Variants in BPIFA2 observed in about 807,000 individuals in gnomAD.
The protein encoded by BPIFA2 is BPI fold-containing family A member 2.
Under a neutral mutation model 25.7 loss-of-function variants are expected in BPIFA2, and 20 were observed. The ratio of observed to expected loss-of-function variants is 0.78; its 90% confidence interval spans 0.55 to 1.13. The LOEUF (loss-of-function observed/expected upper bound fraction) is 1.13, where lower values mean the gene tolerates loss of function less well. Ranked by LOEUF, BPIFA2 falls within the 50% of genes most tolerant of loss-of-function variation. The pLI is 0.00. For synonymous variants in BPIFA2, 126 were observed against 124.3 expected (o/e 1.01, Z -0.09); for missense variants, 300 against 298.1 (o/e 1.01, Z -0.05).
intron 6 of BPIFA2, among the ~76,000 whole-genome samples, chr20:33,179,223 A>T (rs1361805921): frequency 1.3e-5 from 2 of 152,042 alleles, no homozygotes; most frequent in East Asian, 3.9e-4. Flanking sequence ...TGAGGTCAGG[A>T]GTTCAAGACC....
intron 8 of BPIFA2, among the ~76,000 whole-genome samples, chr20:33,180,937 A>G (rs1357683094): frequency 6.6e-6 from 1 of 152,192 alleles, no homozygotes; most frequent in Admixed American, 6.5e-5. Flanking sequence ...TGGGCCCTGA[A>G]CCTGGCTCCA....
chr20:33,163,428 G>A (rs1048471750), upstream of BPIFA2, among the ~76,000 whole-genome samples: 1 of 152,152 alleles, frequency 6.6e-6, no homozygotes, highest in Non-Finnish European at 1.5e-5. Context: ...CTTTTATGAA[G>A]GGATTTCTCT....
rs373151340 is a variant in BPIFA2, at chr20:33,178,192, G to T, written c.609G>T (p.Thr203=). The change falls in exon 6 of 9, where the codon ACG becomes ACT. Residue 203 remains threonine, a synonymous_variant. Transcript: ENST00000354932. ...INKFVNSVIN[T]LKSTVSSLLQ... ...AGTTCGTGAATAGCGTGATCAACAC[G>T]CTGAAAAGCACTGTATCCTCCCTGC... 38 of 1,606,632 alleles carry T rather than the reference G, an allele frequency of 2.4e-5. No individual in the cohort carries two copies. The highest frequency in any genetic ancestry group is 3.1e-5 in the Non-Finnish European group (36 of 1,174,820).
intron 6 of BPIFA2, 77 bp from the exon 7 acceptor site, chr20:33,179,527 T>C (rs1162245979): frequency 2.4e-6 from 3 of 1,265,342 alleles, no homozygotes; most frequent in Admixed American, 3.4e-5. Flanking sequence ...TGGCAAGCAA[T>C]TTGTTCTCAG....
intron 2 of BPIFA2, among the ~76,000 whole-genome samples, chr20:33,170,976 T>C (rs751006042): frequency 3.3e-5 from 5 of 152,232 alleles, no homozygotes; most frequent in Non-Finnish European, 7.3e-5. Context: ...CCAGCACCAT[T>C]TATTAAATAC....
At chr20:33,168,911 G>C (rs1274011835) in intron 1 of BPIFA2, among the ~76,000 whole-genome samples, 1 of 152,210 alleles carries the variant, frequency 6.6e-6, no homozygotes, top group East Asian at 1.9e-4. Context: ...TATGGGCTTG[G>C]AGTCAAGTCT....
At chr20:33,173,964 C>T in intron 3 of BPIFA2, 115 bp from the exon 4 acceptor site, 1 of 781,322 alleles carries the variant, frequency 1.3e-6, no homozygotes, top group South Asian at 1.5e-5. Context: ...ATAGTGAAGA[C>T]TAAAGAAGGC....
rs763841587 is a variant in BPIFA2, at chr20:33,169,198, CAG to C, written c.56_57del (p.Glu19ValfsTer4). On this transcript the variant is annotated frameshift_variant, in exon 2 of 9. Transcript: ENST00000354932. LOFTEE classifies it high-confidence loss of function. ...CTGTGCGGCGTGCTCACTGGGACCT[CAG>C]AGTCTCTTCTTGACAATCTTGGCAA... 2 of 1,614,126 alleles carry C rather than the reference CAG, an allele frequency of 1.2e-6. No homozygotes were observed. Among genetic ancestry groups the C allele is most frequent in the Admixed American group, 3.3e-5 (2 of 60,010 alleles).
intron 2 of BPIFA2, among the ~76,000 whole-genome samples, chr20:33,172,701 C>T (rs7264896): frequency 0.015 from 2,334 of 152,136 alleles, 50 homozygotes; most frequent in African/African-American, 0.053. Flanking sequence ...AGTACGGAGG[C>T]AGTATGGAGG....
chr20:33,178,320 C>T, intron 6 of BPIFA2, 92 bp downstream of exon 6: 1 of 969,444 alleles, frequency 1.0e-6, no homozygotes, highest in Non-Finnish European at 1.5e-6. Flanking sequence ...GAGCACTTTT[C>T]CTTCGGAGGT....
Position 33,174,150 on chromosome 20 carries a change from T to C in BPIFA2, c.374T>C (p.Leu125Pro), listed in dbSNP as rs1983997193. ...EPIDDGKGLN[L>P]SFPVTANVTV... ...ATCGATGATGGCAAAGGCCTTAACC[T>C]GAGCTTCCCTGTCACCGCGAATGTC... Residue 125 changes from leucine to proline, a missense_variant, in exon 4 of 9, where the codon CTG becomes CCG. Leu to Pro is a moderately conservative substitution (Grantham distance 98). Transcript: ENST00000354932. The C allele has an allele frequency of 1.9e-6, 3 of 1,614,020 alleles. No individual in the cohort carries two copies. Among genetic ancestry groups the C allele is most frequent in the Non-Finnish European group, 2.5e-6 (3 of 1,179,892 alleles).
upstream of BPIFA2, among the ~76,000 whole-genome samples, chr20:33,167,914 G>A (rs907695642): frequency 5.3e-5 from 8 of 152,186 alleles, no homozygotes; most frequent in East Asian, 1.9e-4. Context: ...CCACCCCCTC[G>A]GTAGCTGCAG....
chr20:33,179,782 C>A, intron 7 of BPIFA2, 115 bp downstream of exon 7: 3 of 1,090,286 alleles, frequency 2.8e-6, no homozygotes, highest in Non-Finnish European at 4.2e-6. Flanking sequence ...CTGTCCTAAG[C>A]AAATTGGGAG....
intron 3 of BPIFA2, among the ~76,000 whole-genome samples, chr20:33,173,568 C>A (rs1983974366): frequency 1.3e-5 from 2 of 152,228 alleles, no homozygotes; most frequent in South Asian, 4.2e-4. Flanking sequence ...TGCAATGGCA[C>A]AATCTTGGCT....
chr20:33,177,684 C>G (rs181861513), intron 5 of BPIFA2, among the ~76,000 whole-genome samples: 1,580 of 152,224 alleles, frequency 0.01, 37 homozygotes, highest in African/African-American at 0.036. Flanking sequence ...CTTAGGTAAG[C>G]AGTCAGGGAG....
intron 5 of BPIFA2, 48 bp downstream of exon 5, chr20:33,175,607 G>A (rs777912935): frequency 6.3e-7 from 1 of 1,590,920 alleles, no homozygotes; most frequent in Non-Finnish European, 8.6e-7. Flanking sequence ...GGAACTTGAG[G>A]ACCCCTAATT....
chr20:33,181,088 T>C (rs1984265488), intron 8 of BPIFA2, 136 bp from the exon 9 acceptor site: 1 of 153,360 alleles, frequency 6.5e-6, no homozygotes, highest in Non-Finnish European at 1.5e-5. Context: ...TTAAACCGCA[T>C]GGGGTATTGT....
chr20:33,164,558 T>C (rs956342755), upstream of BPIFA2, among the ~76,000 whole-genome samples: 1 of 148,752 alleles, frequency 6.7e-6, no homozygotes, highest in Admixed American at 6.6e-5. Flanking sequence ...ATCCCCTCTC[T>C]CTCTTTCTTT....
At chr20:33,167,268 C>T (rs184227427), upstream of BPIFA2, among the ~76,000 whole-genome samples, 11 of 152,308 alleles carry the variant, frequency 7.2e-5, no homozygotes, top group Admixed American at 6.5e-4. Context: ...CAGCCTGAGG[C>T]CAAGTGGGCA....
Sources: gnomAD v4.1 joint callset for allele counts (sites outside exome capture counted in the v4.1 genomes callset) on GRCh38, gnomAD v4.1.1 for gene constraint, MANE v1.5 for transcripts, NCBI Gene and HGNC (gene_info 2026-07-23, HGNC 2026-07-21) for gene names.